The following MGAT4A variants were observed in gnomAD, a reference collection of about 807,000 sequenced individuals.
The protein encoded by MGAT4A is alpha-1,3-mannosyl-glycoprotein 4-beta-N-acetylglucosaminyltransferase A.
Under a neutral mutation model 74.1 loss-of-function variants are expected in MGAT4A, and 33 were observed. The ratio of observed to expected loss-of-function variants is 0.45; its 90% confidence interval spans 0.34 to 0.60. The LOEUF is 0.60. Among genes scored for constraint, MGAT4A ranks in the 20% least tolerant of loss-of-function variants. The pLI is 0.02. For missense variants in MGAT4A, 479 were observed against 628.3 expected, an observed-to-expected ratio of 0.76 and a Z score of 2.54; for synonymous variants, 198 against 210.4, an observed-to-expected ratio of 0.94 and a Z score of 0.51.
chr2:98,703,436 G>A (rs931074350), intron 2 of MGAT4A, among the ~76,000 whole-genome samples: 2 of 151,952 alleles, frequency 1.3e-5, no homozygotes, highest in Non-Finnish European at 2.9e-5. Flanking sequence ...ACCCCCAAGC[G>A]TTCACAGAAG....
chr2:98,664,449 G>T (rs1224225807), intron 4 of MGAT4A, among the ~76,000 whole-genome samples: 2 of 152,018 alleles, frequency 1.3e-5, no homozygotes, highest in African/African-American at 2.4e-5. Flanking sequence ...CAGCTGAATT[G>T]AGTTCAGAAA....
At chr2:98,642,234 G>C (rs1373932182) in intron 10 of MGAT4A, among the ~76,000 whole-genome samples, 1 of 152,144 alleles carries the variant, frequency 6.6e-6, no homozygotes, top group Non-Finnish European at 1.5e-5. Context: ...GCAAGGTTGA[G>C]GAGAGAGCAA....
At chr2:98,727,182 C>T (rs1038094388) in intron 1 of MGAT4A, among the ~76,000 whole-genome samples, 2 of 152,078 alleles carry the variant, frequency 1.3e-5, no homozygotes, top group Admixed American at 6.5e-5. Context: ...AAATAAATGT[C>T]GTTTTTCCAG....
chr2:98,712,340 G>A (rs946503370), intron 2 of MGAT4A, among the ~76,000 whole-genome samples: 6 of 152,146 alleles, frequency 3.9e-5, no homozygotes, highest in African/African-American at 1.4e-4. Context: ...ACACCTCCAT[G>A]AATGCATGAG....
At position 98,625,084 on chromosome 2, in the gene MGAT4A, C is replaced by T; in HGVS notation, c.*482G>A. On this transcript the variant is annotated 3_prime_UTR_variant, in exon 16 of 16. Transcript: ENST00000393487. ...AGTATCGATTCAAAAATCTACTGCACAAAAATATGTACTTCTTAAGTGTTT... is the reference window on the plus strand; with the variant it reads ...AGTATCGATTCAAAAATCTACTGCATAAAAATATGTACTTCTTAAGTGTTT... 2.1e-6 allele frequency: 2 copies of T among 966,580 alleles called. No homozygotes were observed. The highest frequency in any genetic ancestry group is 2.5e-6 in the Non-Finnish European group (2 of 812,848). 59.9% of individuals were successfully genotyped at this position (966,580 alleles called of 1,614,324 possible).
chr2:98,630,310 TG>T (rs1278658712), intron 14 of MGAT4A, among the ~76,000 whole-genome samples: 1 of 152,126 alleles, frequency 6.6e-6, no homozygotes, highest in East Asian at 1.9e-4. Flanking sequence ...CTCACAATTG[TG>T]AGGGGGAAGA....
In MGAT4A at chr2:98,640,071, C is replaced by T. The variant is rs1701382645; in HGVS notation, c.1128+50G>A. 7 of 1,562,282 alleles carry T rather than the reference C, an allele frequency of 4.5e-6. No individual in the cohort carries two copies. In the East Asian group the frequency reaches 1.6e-4, roughly 35 times the overall value. On this transcript the variant is annotated intron_variant, in intron 11 of 15. Coordinates refer to ENST00000393487, the MANE Select transcript of MGAT4A (RefSeq NM_012214.3). ...TTAAGAAGAAAAACAATAATTATAA[C>T]TTAAATAACAAGTTGTATGTTCATG...
intron 13 of MGAT4A, among the ~76,000 whole-genome samples, chr2:98,636,143 C>T (rs554842233): frequency 2.0e-5 from 3 of 152,002 alleles, no homozygotes; most frequent in East Asian, 3.9e-4. Context: ...CAGGCGCATG[C>T]CACGATTCCT....
At chr2:98,642,523 G>C (rs1254762601) in intron 10 of MGAT4A, among the ~76,000 whole-genome samples, 1 of 152,228 alleles carries the variant, frequency 6.6e-6, no homozygotes, top group Admixed American at 6.5e-5. Flanking sequence ...GGAGGATTTA[G>C]AGGGTTTTTG....
intron 2 of MGAT4A, among the ~76,000 whole-genome samples, chr2:98,681,045 C>T (rs191210185): frequency 6.6e-6 from 1 of 152,246 alleles, no homozygotes; most frequent in African/African-American, 2.4e-5. Context: ...TGCAGTGGCG[C>T]GATCTCAGCT....
intron 2 of MGAT4A, among the ~76,000 whole-genome samples, chr2:98,715,127 C>T (rs1330042652): frequency 6.6e-6 from 1 of 151,862 alleles, no homozygotes; most frequent in South Asian, 2.1e-4. Flanking sequence ...ACCAGGCTGG[C>T]CAACACGGTG....
intron 14 of MGAT4A, among the ~76,000 whole-genome samples, chr2:98,628,345 T>G (rs1193020877): frequency 2.6e-5 from 4 of 152,258 alleles, no homozygotes; most frequent in African/African-American, 9.6e-5. Flanking sequence ...CCTTAAGTCT[T>G]CAAACAATTG....
chr2:98,652,635 AT>A (rs377370106), intron 8 of MGAT4A, among the ~76,000 whole-genome samples: 51 of 150,292 alleles, frequency 3.4e-4, no homozygotes, highest in African/African-American at 1.2e-3. Context: ...CCAGCCAACA[AT>A]TTTTTTTAAG....
intron 2 of MGAT4A, among the ~76,000 whole-genome samples, chr2:98,714,796 GTTTA>G (rs1448915964): frequency 2.0e-5 from 3 of 152,042 alleles, no homozygotes; most frequent in Non-Finnish European, 4.4e-5. Context: ...GTACTAAATT[GTTTA>G]TTTTAAAAGG....
intron 14 of MGAT4A, among the ~76,000 whole-genome samples, chr2:98,632,110 CAATA>C (rs200108760): frequency 2.0e-5 from 3 of 149,854 alleles, no homozygotes; most frequent in Admixed American, 6.6e-5. Flanking sequence ...ACTCTGTCTC[CAATA>C]AATAAATAAA....
chr2:98,669,182 C>T lies in MGAT4A; in HGVS notation c.403+5853G>A, dbSNP rs546168802. 3.3e-5 allele frequency among the ~76,000 whole-genome samples: 5 copies of T among 152,264 alleles called. No homozygotes were observed. In the East Asian group the frequency reaches 7.7e-4, roughly 23 times the overall value. On this transcript the variant is annotated intron_variant, in intron 4 of 15. Transcript: ENST00000393487. Reference sequence around the variant, plus strand: ...CCAGGGGCGGAATGATATGGTTTGGCTGTGTCCCCACCCACATCTCATCTT... The same window carrying T: ...CCAGGGGCGGAATGATATGGTTTGGTTGTGTCCCCACCCACATCTCATCTT...
chr2:98,700,806 G>A (rs940323731), intron 2 of MGAT4A, among the ~76,000 whole-genome samples: 8 of 150,886 alleles, frequency 5.3e-5, no homozygotes, highest in African/African-American at 9.8e-5. Flanking sequence ...CAGGAGAATC[G>A]CTTGAACCCG....
At chr2:98,661,046 T>C (rs1032426605) in intron 5 of MGAT4A, among the ~76,000 whole-genome samples, 4 of 152,044 alleles carry the variant, frequency 2.6e-5, no homozygotes, top group Admixed American at 6.6e-5. Context: ...CCAAAATATA[T>C]AAGGAACTCA....
chr2:98,646,666 C>T (rs1248876530), intron 8 of MGAT4A, among the ~76,000 whole-genome samples: 2 of 152,152 alleles, frequency 1.3e-5, no homozygotes, highest in African/African-American at 4.8e-5. Flanking sequence ...AGAAAGGATA[C>T]AAAAGCCAAT....
Sources: allele counts gnomAD v4.1 joint callset (sites outside exome capture counted in the v4.1 genomes callset), GRCh38; gene constraint gnomAD v4.1.1; transcripts MANE v1.5; gene names NCBI Gene and HGNC (gene_info 2026-07-23, HGNC 2026-07-21).